CYP27C1: variants seen among roughly 807,000 people sequenced by gnomAD.
CYP27C1 encodes the protein cytochrome P450 27C1.
Under a neutral mutation model 40.6 loss-of-function variants are expected in CYP27C1, and 29 were observed. The observed-to-expected ratio is 0.71, with a 90% CI of 0.53 to 0.97. The LOEUF (loss-of-function observed/expected upper bound fraction) is 0.97. CYP27C1 is among the 50% of genes least tolerant of loss of function. The pLI is 0.00. For missense variants in CYP27C1, 390 were observed against 485.8 expected (o/e 0.80, Z 1.85); for synonymous variants, 198 against 186.8 (o/e 1.06, Z -0.49).
rs964940857 is a variant in CYP27C1, at chr2:127,209,802, G to A, written c.283-3712C>T. Among the ~76,000 whole-genome samples, 1 of 152,060 alleles carries A rather than the reference G, an allele frequency of 6.6e-6. No homozygotes were observed. The highest frequency in any genetic ancestry group is 1.5e-5 in the Non-Finnish European group (1 of 68,018). On this transcript the variant is annotated intron_variant, in intron 1 of 8. Coordinates refer to ENST00000664447, the MANE Select transcript of CYP27C1 (RefSeq NM_001367502.1). The surrounding 1 kb of genome is among the most constrained non-coding windows in gnomAD (Gnocchi z 4.1). ...CCACCTTACTGAAATAAGACATGCA[G>A]ACAAGAATAGAGAAAAAAGAATGAA...
chr2:127,198,141 T>C (rs1302496361), intron 5 of CYP27C1, among the ~76,000 whole-genome samples: 1 of 151,618 alleles, frequency 6.6e-6, no homozygotes, highest in Non-Finnish European at 1.5e-5. Flanking sequence ...CAGTGTATCA[T>C]TGATCTGCCA....
rs1325672370 is a variant in CYP27C1, at chr2:127,184,099, G to A, written c.*3172C>T. The A allele has an allele frequency of 6.6e-6, 1 of 152,092 alleles. No homozygotes were observed. Among genetic ancestry groups the A allele is most frequent in the Non-Finnish European group, 1.5e-5 (1 of 67,998 alleles). The allele number at this position is 152,092 out of a possible 1,614,324, so 9.4% of individuals were successfully genotyped here. A position where few individuals can be genotyped will look rare whatever the true frequency, so the allele number is the denominator to read the frequency against. On this transcript the variant is annotated 3_prime_UTR_variant, in exon 9 of 9. Transcript: ENST00000664447. ...TTATATCTTTAAGAGCTATCTCCAA[G>A]AGATAAAGTCTCTTTTTTTAAAACA...
At chr2:127,204,533 GAA>G (rs1275609213) in intron 2 of CYP27C1, among the ~76,000 whole-genome samples, 3,392 of 39,832 alleles carry the variant, frequency 0.085, 271 homozygotes, top group East Asian at 0.16. Flanking sequence ...AAGAAAGAAA[GAA>G]AGAGAGAGAG....
rs1438445606 is a variant in CYP27C1 at position 127,203,405 on chromosome 2, C to T, written c.640G>A (p.Val214Ile). ...GAATATTTGAAGAAAAGATCATTGA[C>T]ATTGGTCACGGTTTCTCCATCTTCT... The part of the protein sequence containing the change: ...QAEDGETVTN[V>I]NDLFFKYSME... The change falls in exon 3 of 9, where the codon GTC (valine) becomes ATC (isoleucine). Residue 214 changes from valine to isoleucine, a missense_variant. Coordinates refer to ENST00000664447, the MANE Select transcript of CYP27C1 (RefSeq NM_001367502.1). 1 of 1,613,522 alleles carries T rather than the reference C, an allele frequency of 6.2e-7. No homozygotes were observed. Among genetic ancestry groups the T allele is most frequent in the East Asian group, 2.2e-5 (1 of 44,860 alleles).
intron 7 of CYP27C1, 35 bp downstream of exon 7, chr2:127,193,754 G>T: frequency 6.2e-7 from 1 of 1,611,886 alleles, no homozygotes; most frequent in South Asian, 1.1e-5. Context: ...ACCCCGACCC[G>T]CAAGGCCTGG....
At chr2:127,204,917 T>C (rs7585314) in intron 2 of CYP27C1, among the ~76,000 whole-genome samples, 105,242 of 152,068 alleles carry the variant, frequency 0.69, 36,714 homozygotes, top group East Asian at 0.91. Context: ...TTTCGCGTTC[T>C]CAAGGAGACC....
chr2:127,204,969 C>T (rs368680284), intron 2 of CYP27C1, among the ~76,000 whole-genome samples: 3 of 152,196 alleles, frequency 2.0e-5, no homozygotes, highest in African/African-American at 4.8e-5. Flanking sequence ...CTTTGGAGGA[C>T]CCAAGCTAAG....
At chr2:127,197,598 CAGCG>C (rs2104682258) in intron 5 of CYP27C1, among the ~76,000 whole-genome samples, 1 of 152,272 alleles carries the variant, frequency 6.6e-6, no homozygotes, top group African/African-American at 2.4e-5. Flanking sequence ...GCTTTGGAAA[CAGCG>C]AAGCGTCACG....
intron 1 of CYP27C1, among the ~76,000 whole-genome samples, chr2:127,207,002 C>T (rs1323806026): frequency 6.6e-6 from 1 of 152,220 alleles, no homozygotes; most frequent in East Asian, 1.9e-4. Flanking sequence ...TATTTCTATA[C>T]ACTAGCAGTG....
chr2:127,204,559 AAG>A (rs1491514767), intron 2 of CYP27C1, among the ~76,000 whole-genome samples: 2 of 36,518 alleles, frequency 5.5e-5, no homozygotes, highest in African/African-American at 2.5e-4. Context: ...GAGAGAGAGA[AAG>A]AAAGAAAGAA....
chr2:127,203,301 C>T, intron 3 of CYP27C1, 71 bp downstream of exon 3: 5 of 1,537,188 alleles, frequency 3.3e-6, no homozygotes, highest in Non-Finnish European at 4.4e-6. Flanking sequence ...GGGAATGATC[C>T]AAGATGACAT....
At chr2:127,210,264 CT>C (rs1683310189) in intron 1 of CYP27C1, among the ~76,000 whole-genome samples, 1 of 152,150 alleles carries the variant, frequency 6.6e-6, no homozygotes. Flanking sequence ...CCAAACTAAG[CT>C]TCATAAGCAA....
intron 2 of CYP27C1, among the ~76,000 whole-genome samples, chr2:127,204,489 G>GAAAGAAAGAAAGAAAGAAAGA (rs1558931107): frequency 3.3e-5 from 1 of 29,900 alleles, no homozygotes; most frequent in Non-Finnish European, 6.8e-5. Flanking sequence ...AGAAAGAAAG[G>GAAAGAAAGAAAGAAAGAAAGA]AAGGAAGGAA....
At chr2:127,216,329 T>A (rs1301541012) in intron 1 of CYP27C1, among the ~76,000 whole-genome samples, 2 of 152,232 alleles carry the variant, frequency 1.3e-5, no homozygotes, top group Non-Finnish European at 2.9e-5. Context: ...CAAAATGTGG[T>A]ATAGTCATAC....
At chr2:127,190,150 C>T (rs1233240472) in intron 8 of CYP27C1, among the ~76,000 whole-genome samples, 1 of 151,930 alleles carries the variant, frequency 6.6e-6, no homozygotes, top group East Asian at 1.9e-4. Context: ...TAGGTCTGTT[C>T]TCTTTCATTT....
intron 2 of CYP27C1, among the ~76,000 whole-genome samples, 184 bp from the exon 3 acceptor site, chr2:127,203,755 C>T (rs184250857): frequency 1.3e-5 from 2 of 152,116 alleles, no homozygotes; most frequent in Admixed American, 1.3e-4. Context: ...GCCCTGGAGC[C>T]TGTTAGAGCT....
rs1226036938 is a variant in CYP27C1, at chr2:127,186,561, C to G, written c.*710G>C. The G allele has an allele frequency of 2.0e-5, 3 of 152,042 alleles. No individual in the cohort carries two copies. The highest frequency in any genetic ancestry group is 7.3e-5 in the African/African-American group (3 of 41,360). The allele number at this position is 152,042 out of a possible 1,614,324, so 9.4% of individuals were successfully genotyped here. A position where few individuals can be genotyped will look rare whatever the true frequency, so the allele number is the denominator to read the frequency against. On this transcript the variant is annotated 3_prime_UTR_variant, in exon 9 of 9. Coordinates refer to ENST00000664447, the MANE Select transcript of CYP27C1 (RefSeq NM_001367502.1). The surrounding 1 kb of genome is among the most constrained non-coding windows in gnomAD (Gnocchi z 4.5). Reference sequence around the variant, plus strand: ...GGACCATAGGTGTGCACCACCACGCCCGGCTAATTTTTGTATTTTTGGTAG... The same window carrying G: ...GGACCATAGGTGTGCACCACCACGCGCGGCTAATTTTTGTATTTTTGGTAG...
chr2:127,203,913 A>T (rs1443295782), intron 2 of CYP27C1, among the ~76,000 whole-genome samples: 1 of 150,972 alleles, frequency 6.6e-6, no homozygotes. Context: ...GCAAAAGAAA[A>T]ATATATATAT....
rs1415360152 is a variant in CYP27C1 at position 127,219,139 on chromosome 2, A to G, written c.282+850T>C. The stretch of plus-strand genomic sequence containing the variant: ...CTTCCCCCGCCATTACAAAATACAA[A>G]AAGGACTAGAAATGAATACACACGG... On this transcript the variant is annotated intron_variant, in intron 1 of 8. Coordinates refer to ENST00000664447, the MANE Select transcript of CYP27C1 (RefSeq NM_001367502.1). The surrounding 1 kb of genome is among the most constrained non-coding windows in gnomAD (Gnocchi z 8.7). Among the ~76,000 whole-genome samples, 1 of 152,000 alleles carries G rather than the reference A, an allele frequency of 6.6e-6. No individual in the cohort carries two copies.
Sources: allele counts gnomAD v4.1 joint callset (sites outside exome capture counted in the v4.1 genomes callset), GRCh38; gene constraint gnomAD v4.1.1; non-coding constraint Gnocchi (gnomAD v3.1); transcripts MANE v1.5; gene names NCBI Gene and HGNC (gene_info 2026-07-23, HGNC 2026-07-21).